The following TENM1 variants were observed in gnomAD, a reference collection of about 807,000 sequenced individuals.
TENM1 encodes teneurin transmembrane protein 1.
In TENM1, 35 loss-of-function variants were observed where a neutral mutation model predicts 174.8. The ratio of observed to expected loss-of-function variants is 0.20; its 90% CI spans 0.15 to 0.27. TENM1 has a LOEUF of 0.27. Ranked by LOEUF, TENM1 falls within the 10% of genes least tolerant of loss-of-function variation. The pLI is 1.00. For synonymous variants in TENM1, 781 were observed against 798.7 expected, an observed-to-expected ratio of 0.98 and a Z score of 0.37; for missense variants, 1,633 against 2,130.1, an observed-to-expected ratio of 0.77 and a Z score of 4.59.
intron 14 of TENM1, among the ~76,000 whole-genome samples, chrX:124,552,203 C>T (rs1477868588): frequency 8.9e-6 from 1 of 111,756 alleles, no homozygotes; most frequent in Non-Finnish European, 1.9e-5. Flanking sequence ...AATGGAAGGG[C>T]TGATCATTCC....
chrX:124,919,783 A>T (rs1316716607), intron 1 of TENM1, among the ~76,000 whole-genome samples: 1 of 111,973 alleles, frequency 8.9e-6, no homozygotes, highest in Non-Finnish European at 1.9e-5. Flanking sequence ...AAAGTGAATG[A>T]AAAGCAAACA....
chrX:124,520,674 C>A (rs763660900), exon 18 of TENM1: 24 of 1,207,722 alleles, frequency 2.0e-5, no homozygotes, highest in Non-Finnish European at 2.0e-5. Flanking sequence ...CTACAGGAAT[C>A]GTTGAATGTG....
intron 25 of TENM1, among the ~76,000 whole-genome samples, chrX:124,416,548 T>A (rs746412067): frequency 3.8e-4 from 43 of 112,284 alleles, no homozygotes; most frequent in African/African-American, 1.3e-3. Context: ...AATGTTGCTA[T>A]GAAAATTTGT....
At chrX:124,573,717 C>T (rs1356773592) in intron 11 of TENM1, among the ~76,000 whole-genome samples, 1 of 111,881 alleles carries the variant, frequency 8.9e-6, no homozygotes, top group African/African-American at 3.2e-5. Flanking sequence ...TGAATTACTA[C>T]AAATGGAGAA....
chrX:124,994,238 TGGCAA>T, the TENM1 span, among the ~76,000 whole-genome samples: 4 of 70,924 alleles, frequency 5.6e-5, no homozygotes, highest in African/African-American at 1.1e-4. Flanking sequence ...TTTTTTTTTT[TGGCAA>T]TTGACCAAAT....
chrX:124,864,487 G>C (rs2056968666), intron 3 of TENM1, among the ~76,000 whole-genome samples: 1 of 112,144 alleles, frequency 8.9e-6, no homozygotes, highest in Admixed American at 9.5e-5. Flanking sequence ...TCTAACAGCA[G>C]AACGGATCAA....
At chrX:125,100,823 C>T in the TENM1 span, among the ~76,000 whole-genome samples, 3 of 111,235 alleles carry the variant, frequency 2.7e-5, no homozygotes, top group Admixed American at 2.9e-4. Context: ...ACTTTTTTAA[C>T]CAAAATACTA....
chrX:125,166,269 C>T, the TENM1 span, among the ~76,000 whole-genome samples: 1 of 111,438 alleles, frequency 9.0e-6, no homozygotes, highest in South Asian at 3.7e-4. Flanking sequence ...CCTCATCCAA[C>T]TTACCAACCA....
intron 23 of TENM1, 34 bp from the exon 27 acceptor site, chrX:124,422,672 A>G: frequency 1.7e-6 from 2 of 1,172,774 alleles, no homozygotes; most frequent in South Asian, 2.0e-5. Flanking sequence ...CCATTAGGTT[A>G]CCATGTCTTT....
chrX:125,050,561 T>C, the TENM1 span, among the ~76,000 whole-genome samples: 2 of 111,995 alleles, frequency 1.8e-5, no homozygotes, highest in African/African-American at 6.5e-5. Context: ...CAGTCTCTCA[T>C]TGTTGGACAT....
At chrX:124,961,412 C>T (rs1284009676) in intron 1 of TENM1, among the ~76,000 whole-genome samples, 2 of 111,194 alleles carry the variant, frequency 1.8e-5, no homozygotes, top group African/African-American at 3.3e-5. Context: ...GAGGCCGAGG[C>T]GGGCAGATCA....
chrX:124,577,830 T>C (rs985935936), intron 11 of TENM1, among the ~76,000 whole-genome samples: 2 of 112,233 alleles, frequency 1.8e-5, no homozygotes, highest in African/African-American at 6.5e-5. Flanking sequence ...ATGCTACGCA[T>C]TTCTACCTGG....
the TENM1 span, among the ~76,000 whole-genome samples, chrX:125,126,941 G>C: frequency 2.7e-5 from 3 of 110,882 alleles, no homozygotes; most frequent in South Asian, 1.1e-3. Context: ...CAGATTATAG[G>C]GTGTTTCAGA....
chrX:124,539,564 A>G (rs965284875), intron 15 of TENM1, among the ~76,000 whole-genome samples: 9 of 112,003 alleles, frequency 8.0e-5, no homozygotes, highest in Middle Eastern at 4.3e-3. Flanking sequence ...TCTTCCCCCA[A>G]TAGGGATTGT....
chrX:125,101,077 T>G, the TENM1 span, among the ~76,000 whole-genome samples: 1 of 111,414 alleles, frequency 9.0e-6, no homozygotes, highest in East Asian at 2.8e-4. Flanking sequence ...TAATTTAGAG[T>G]CTTAGCATAG....
intron 18 of TENM1, among the ~76,000 whole-genome samples, chrX:124,508,786 C>T (rs2047510596): frequency 8.9e-6 from 1 of 111,849 alleles, no homozygotes; most frequent in Admixed American, 9.5e-5. Flanking sequence ...GATATACTGG[C>T]TCATGTATAA....
intron 3 of TENM1, among the ~76,000 whole-genome samples, chrX:124,743,843 T>C (rs923162611): frequency 8.9e-6 from 1 of 112,183 alleles, no homozygotes; most frequent in East Asian, 2.8e-4. Context: ...TTTTAGTCTC[T>C]CTATAAGCTG....
the TENM1 span, among the ~76,000 whole-genome samples, chrX:125,109,973 G>A: frequency 1.8e-5 from 2 of 111,693 alleles, no homozygotes; most frequent in African/African-American, 6.5e-5. Context: ...TTTCTAAGCT[G>A]TAGTATCTAG....
chrX:125,110,789 G>A, the TENM1 span, among the ~76,000 whole-genome samples: 1 of 112,049 alleles, frequency 8.9e-6, no homozygotes, highest in Non-Finnish European at 1.9e-5. Context: ...GAATAAGAAA[G>A]TATGGAAGGG....
Sources: gnomAD v4.1 joint callset for allele counts (sites outside exome capture counted in the v4.1 genomes callset) on GRCh38, gnomAD v4.1.1 for gene constraint, MANE v1.5 for transcripts, NCBI Gene and HGNC (gene_info 2026-07-23, HGNC 2026-07-21) for gene names.